DLGAP1: variants seen among roughly 807,000 people sequenced by gnomAD.
DLGAP1 encodes DLG associated protein 1.
A neutral mutation model predicts 90.8 loss-of-function variants in DLGAP1; 11 were observed. That is an observed-to-expected ratio of 0.12 (90% CI 0.08 to 0.20). The LOEUF (loss-of-function observed/expected upper bound fraction) is 0.20. Ranked by LOEUF, DLGAP1 falls within the 10% of genes least tolerant of loss-of-function variation. DLGAP1 has a pLI of 1.00. For synonymous variants in DLGAP1, 558 were observed against 540.7 expected (o/e 1.03, Z -0.44); for missense variants, 1,050 against 1,333.8 (o/e 0.79, Z 3.31).
At chr18:3,573,102 G>T (rs2054902670) in intron 8 of DLGAP1, among the ~76,000 whole-genome samples, 1 of 152,020 alleles carries the variant, frequency 6.6e-6, no homozygotes. Flanking sequence ...CTCAAATTTG[G>T]TAAGAATTTT....
At chr18:4,201,296 G>A (rs912610782) in intron 1 of DLGAP1, among the ~76,000 whole-genome samples, 2 of 152,092 alleles carry the variant, frequency 1.3e-5, no homozygotes, top group East Asian at 3.9e-4. Context: ...AGTTAGTTTT[G>A]TATATGTTGA....
At chr18:3,663,666 C>T (rs994388322) in intron 7 of DLGAP1, among the ~76,000 whole-genome samples, 2 of 152,148 alleles carry the variant, frequency 1.3e-5, no homozygotes, top group African/African-American at 4.8e-5. Context: ...GTGCTCTAGT[C>T]AACAGTTACC....
At chr18:3,645,344 A>AT (rs1299389161) in intron 7 of DLGAP1, among the ~76,000 whole-genome samples, 13 of 151,706 alleles carry the variant, frequency 8.6e-5, no homozygotes, top group Admixed American at 2.6e-4. Context: ...ATATATATAT[A>AT]TTTTTTTAAT....
chr18:4,092,553 C>G (rs554419400), intron 2 of DLGAP1, among the ~76,000 whole-genome samples: 1 of 152,216 alleles, frequency 6.6e-6, no homozygotes, highest in Admixed American at 6.5e-5. Context: ...GTACCCCTCA[C>G]CCAGGTATGG....
At chr18:4,438,091 A>G (rs1336817078) in intron 1 of DLGAP1, among the ~76,000 whole-genome samples, 1 of 152,168 alleles carries the variant, frequency 6.6e-6, no homozygotes, top group African/African-American at 2.4e-5. Context: ...GAAAAACCTT[A>G]GCGCCTCCAC....
intron 1 of DLGAP1, among the ~76,000 whole-genome samples, chr18:4,308,058 G>C (rs918099396): frequency 6.6e-6 from 1 of 152,050 alleles, no homozygotes; most frequent in African/African-American, 2.4e-5. Flanking sequence ...CTTCACACCT[G>C]TCATCCCATC....
At chr18:3,875,668 C>A (rs930925771) in intron 4 of DLGAP1, among the ~76,000 whole-genome samples, 2 of 152,152 alleles carry the variant, frequency 1.3e-5, no homozygotes, top group African/African-American at 4.8e-5. Context: ...TTTTAAAGAG[C>A]AAATTAGACA....
chr18:3,570,765 CA>C (rs1226138793), intron 8 of DLGAP1, among the ~76,000 whole-genome samples: 4 of 151,452 alleles, frequency 2.6e-5, no homozygotes, highest in Non-Finnish European at 5.9e-5. Context: ...CCTGTCTCTA[CA>C]AAAAATAAGA....
At chr18:3,733,916 A>G (rs896766339) in intron 6 of DLGAP1, among the ~76,000 whole-genome samples, 7 of 152,304 alleles carry the variant, frequency 4.6e-5, no homozygotes, top group African/African-American at 1.7e-4. Flanking sequence ...CATTTTGTTA[A>G]GTAAGTTGTT....
At chr18:4,403,416 A>G (rs1598363175) in intron 1 of DLGAP1, among the ~76,000 whole-genome samples, 1 of 152,204 alleles carries the variant, frequency 6.6e-6, no homozygotes, top group Non-Finnish European at 1.5e-5. Flanking sequence ...CGGTATTACA[A>G]TAATAATGCT....
At chr18:3,914,383 TTC>T (rs2072098384) in intron 3 of DLGAP1, among the ~76,000 whole-genome samples, 1 of 99,428 alleles carries the variant, frequency 1.0e-5, no homozygotes, top group African/African-American at 3.9e-5. Context: ...GTGCCAGGAT[TTC>T]TTTCTTTTTA....
At chr18:4,215,732 TA>T (rs1330698850) in intron 1 of DLGAP1, among the ~76,000 whole-genome samples, 2 of 152,120 alleles carry the variant, frequency 1.3e-5, no homozygotes, top group African/African-American at 4.8e-5. Flanking sequence ...AAAACTCAAG[TA>T]ATGGCTTGGT....
chr18:4,199,945 T>C lies in DLGAP1; in HGVS notation c.-266-48658A>G, dbSNP rs76955713. Among the ~76,000 whole-genome samples the C allele has an allele frequency of 8.8e-3, 1,336 of 152,304 alleles. 15 individuals carry two copies. Among genetic ancestry groups the C allele is most frequent in the Middle Eastern group, 0.051 (15 of 294 alleles). ...TCCTACATTTCAATGTATTTTTCAC[T>C]GTCAAAATTATGAAATCATGGTCTC... On this transcript the variant is annotated intron_variant, in intron 1 of 12. Transcript: ENST00000315677.
intron 3 of DLGAP1, among the ~76,000 whole-genome samples, chr18:3,955,645 T>C (rs1430986935): frequency 6.7e-6 from 1 of 149,082 alleles, no homozygotes; most frequent in Non-Finnish European, 1.5e-5. Context: ...ACCCAGGAGG[T>C]AGAGGTTGTG....
intron 4 of DLGAP1, among the ~76,000 whole-genome samples, chr18:3,856,064 T>C (rs923235374): frequency 1.3e-5 from 2 of 152,168 alleles, no homozygotes; most frequent in African/African-American, 4.8e-5. Flanking sequence ...TCACTGGTAA[T>C]ATGTGCAAGG....
chr18:3,842,659 A>G (rs2068783829), intron 4 of DLGAP1, among the ~76,000 whole-genome samples: 1 of 151,720 alleles, frequency 6.6e-6, no homozygotes, highest in African/African-American at 2.4e-5. Flanking sequence ...CACGAGGGTG[A>G]GATAGAGAGA....
rs144612046 is a variant in DLGAP1, at chr18:4,320,856, A to G, written c.-267+134150T>C. Among the ~76,000 whole-genome samples the G allele has an allele frequency of 3.9e-5, 6 of 152,320 alleles. No individual in the cohort carries two copies. The East Asian group carries it at 1.2e-3, about 29-fold the overall frequency. ...GAAAATGAAAAATTACCAAAGGCCAATAGTGCCCTAGTATTTATTGTGTAT... is the reference window on the plus strand; with the variant it reads ...GAAAATGAAAAATTACCAAAGGCCAGTAGTGCCCTAGTATTTATTGTGTAT... On this transcript the variant is annotated intron_variant, in intron 1 of 12. Transcript: ENST00000315677.
Position 3,499,492 on chromosome 18 carries a change from C to A in DLGAP1, c.2725-98G>T. The stretch of plus-strand genomic sequence containing the variant: ...GTAGTTAGAACACACAGTTTTTTAC[C>A]TAGGGGTGGTTAGTTCTGATCTGCA... On this transcript the variant is annotated intron_variant, in intron 12 of 12. Coordinates refer to ENST00000315677, the MANE Select transcript of DLGAP1 (RefSeq NM_004746.4). This position sits in a 1 kb window ranked among gnomAD's most constrained non-coding sequence, Gnocchi z 6.4. 1 of 1,305,944 alleles carries A rather than the reference C, an allele frequency of 7.7e-7. No individual in the cohort carries two copies. Among genetic ancestry groups the A allele is most frequent in the South Asian group, 1.4e-5 (1 of 71,988 alleles). The allele number at this position is 1,305,944 out of a possible 1,614,324, so 80.9% of individuals were successfully genotyped here.
At chr18:4,397,946 T>C (rs1383869866) in intron 1 of DLGAP1, among the ~76,000 whole-genome samples, 1 of 152,178 alleles carries the variant, frequency 6.6e-6, no homozygotes, top group Non-Finnish European at 1.5e-5. Context: ...TCTAATTTAG[T>C]GTGTGCTTCT....
Sources: gnomAD v4.1 joint callset for allele counts (sites outside exome capture counted in the v4.1 genomes callset) on GRCh38, gnomAD v4.1.1 for gene constraint, Gnocchi (gnomAD v3.1) non-coding constraint, MANE v1.5 for transcripts, NCBI Gene and HGNC (gene_info 2026-07-23, HGNC 2026-07-21) for gene names.